Variants in DYNC2H1 observed in about 807,000 individuals in gnomAD.
DYNC2H1 encodes the protein cytoplasmic dynein 2 heavy chain 1.
DYNC2H1 carries 410 observed loss-of-function variants against 570.0 expected under a neutral mutation model. That is an observed-to-expected ratio of 0.72 (90% CI 0.66 to 0.78). The LOEUF is 0.78. DYNC2H1 is among the 30% of genes least tolerant of loss of function. The pLI is 0.00. For synonymous variants in DYNC2H1, 1,688 were observed against 1,677.6 expected (o/e 1.01, Z -0.15); for missense variants, 4,865 against 5,046.4 (o/e 0.96, Z 1.09).
At chr11:103,184,479 G>A (rs1288138830) in intron 40 of DYNC2H1, among the ~76,000 whole-genome samples, 1 of 151,812 alleles carries the variant, frequency 6.6e-6, no homozygotes, top group East Asian at 1.9e-4. Flanking sequence ...AGCTCCATGT[G>A]GTTTGTCATT....
Position 103,122,936 on chromosome 11 carries a change from G to A in DYNC2H1, c.1597G>A (p.Glu533Lys). 1 of 1,609,536 alleles carries A rather than the reference G, an allele frequency of 6.2e-7. No individual in the cohort carries two copies. Among genetic ancestry groups the A allele is most frequent in the East Asian group, 2.2e-5 (1 of 44,782 alleles). The change falls in exon 11 of 89, where the codon GAA (glutamate) becomes AAA (lysine). Residue 533 changes from glutamate (E) to lysine (K), a missense_variant. By Grantham distance (56) the Glu-to-Lys change is moderately conservative. This residue lies in a region of DYNC2H1 where 1,936 missense variants were observed against 1,962.1 expected (regional missense o/e 0.99). Coordinates refer to ENST00000375735, the MANE Select transcript of DYNC2H1 (RefSeq NM_001377.3). ...LLDQLKLYEQ[E>K]QFDDWSRDIQ... ...AGACCAGCTTAAACTATATGAACAG[G>A]AACAATTTGATGATTGGTCCAGGGA...
At chr11:103,207,600 G>C (rs1181154376) in intron 52 of DYNC2H1, among the ~76,000 whole-genome samples, 2 of 152,082 alleles carry the variant, frequency 1.3e-5, no homozygotes, top group African/African-American at 2.4e-5. Flanking sequence ...GGCTTTGGAG[G>C]CTTAAAGAGA....
chr11:103,113,532 T>C lies in DYNC2H1; in HGVS notation c.196-5T>C, dbSNP rs972501351. 4.6e-6 allele frequency: 7 copies of C among 1,527,092 alleles called. No individual in the cohort carries two copies. Among genetic ancestry groups the C allele is most frequent in the African/African-American group, 4.3e-5 (3 of 70,354 alleles). 94.6% of individuals were successfully genotyped at this position (1,527,092 alleles called of 1,614,324 possible). A position where few individuals can be genotyped will look rare whatever the true frequency, so the allele number is the denominator to read the frequency against. On this transcript the variant is annotated splice_polypyrimidine_tract_variant and splice_region_variant and intron_variant, in intron 1 of 88. Coordinates refer to ENST00000375735, the MANE Select transcript of DYNC2H1 (RefSeq NM_001377.3). The stretch of plus-strand genomic sequence containing the variant: ...GATAACATTAAAAATCATTTATCAC[T>C]TTAGATTGAGTTTGGTGACACAAAA...
In DYNC2H1 at chr11:103,211,834, G is replaced by A. The variant is rs368447956; in HGVS notation, c.8585G>A (p.Cys2862Tyr). ...LKSFLLIHES[C>Y]KAYGATPSRY... Reference sequence around the variant, plus strand: ...TCATTTTTATTAATCCATGAATCTTGTAAAGCATATGGTGCTACACCAAGC... The same window carrying A: ...TCATTTTTATTAATCCATGAATCTTATAAAGCATATGGTGCTACACCAAGC... The change falls in exon 54 of 89, where the codon TGT becomes TAT. Residue 2862 changes from cysteine (C) to tyrosine (Y), a missense_variant. Physicochemically the swap from Cys to Tyr is radical, Grantham distance 194. Coordinates refer to ENST00000375735, the MANE Select transcript of DYNC2H1 (RefSeq NM_001377.3). 7.4e-5 allele frequency: 106 copies of A among 1,428,642 alleles called. No homozygotes were observed. Among genetic ancestry groups the A allele is most frequent in the Non-Finnish European group, 9.2e-5 (100 of 1,087,210 alleles). The allele number at this position is 1,428,642 out of a possible 1,614,324, so 88.5% of individuals were successfully genotyped here. A position where few individuals can be genotyped will look rare whatever the true frequency, so the allele number is the denominator to read the frequency against.
Position 103,147,831 on chromosome 11 carries a change from A to G in DYNC2H1, c.2762A>G (p.Asp921Gly), listed in dbSNP as rs767925954. 3 of 1,612,016 alleles carry G rather than the reference A, an allele frequency of 1.9e-6. No individual in the cohort carries two copies. Among genetic ancestry groups the G allele is most frequent in the Non-Finnish European group, 2.5e-6 (3 of 1,179,272 alleles). The stretch of plus-strand genomic sequence containing the variant: ...AACCCTGTGAAGACTGTGATTGATG[A>G]TCTCATCCAGAAGTTATTTGATCTG... ...NCNPVKTVID[D>G]LIQKLFDLLV... The change falls in exon 19 of 89, where the codon GAT becomes GGT. Residue 921 changes from aspartate (D) to glycine (G), a missense_variant. Asp to Gly is a moderately conservative substitution (Grantham distance 94). Transcript: ENST00000375735.
intron 40 of DYNC2H1, among the ~76,000 whole-genome samples, chr11:103,183,299 A>G (rs1861930339): frequency 6.6e-6 from 1 of 151,888 alleles, no homozygotes; most frequent in Non-Finnish European, 1.5e-5. Flanking sequence ...CTTTGAGGTA[A>G]TCTGCTCATA....
Position 103,334,262 on chromosome 11 carries a change from C to T in DYNC2H1, c.12039+10272C>T, listed in dbSNP as rs549689879. On this transcript the variant is annotated intron_variant, in intron 82 of 88. Transcript: ENST00000375735. This position sits in a 1 kb window ranked among gnomAD's most constrained non-coding sequence, Gnocchi z 4.3. ...GTCTCTTCACCAGGTAGCTGTGTGA[C>T]TAGTAAAACATTGAGGATTCTACTG... Among the ~76,000 whole-genome samples the T allele has an allele frequency of 3.1e-4, 47 of 152,220 alleles. No homozygotes were observed. The highest frequency in any genetic ancestry group is 1.0e-3 in the African/African-American group (43 of 41,530).
At chr11:103,259,853 A>T (rs1865198883) in intron 69 of DYNC2H1, 35 bp from the exon 70 acceptor site, 1 of 1,380,106 alleles carries the variant, frequency 7.2e-7, no homozygotes, top group Non-Finnish European at 9.8e-7. Flanking sequence ...AAATGTTTAT[A>T]AATTTCCTAA....
At chr11:103,391,350 G>A (rs1203360548) in intron 83 of DYNC2H1, among the ~76,000 whole-genome samples, 1 of 152,122 alleles carries the variant, frequency 6.6e-6, no homozygotes, top group Non-Finnish European at 1.5e-5. Context: ...AGCTCCATGA[G>A]GTCATTTAAG....
Position 103,316,110 on chromosome 11 carries a change from C to T in DYNC2H1, c.11650-435C>T, listed in dbSNP as rs114027142. Among the ~76,000 whole-genome samples, 785 of 151,788 alleles carry T rather than the reference C, an allele frequency of 5.2e-3. 7 individuals carry two copies. The highest frequency in any genetic ancestry group is 0.018 in the African/African-American group (749 of 41,446). On this transcript the variant is annotated intron_variant, in intron 79 of 88. Transcript: ENST00000375735. ...TATATAATTTTATTTAGTTCTGATA[C>T]GCATGCTTTGTGGGTTCAATATGAA... is the stretch of plus-strand genomic sequence containing the variant.
Position 103,307,755 on chromosome 11 carries a change from GT to G in DYNC2H1, c.11418del (p.Leu3807PhefsTer20). The G allele has an allele frequency of 6.2e-7, 1 of 1,604,418 alleles. No individual in the cohort carries two copies. Among genetic ancestry groups the G allele is most frequent in the Non-Finnish European group, 8.5e-7 (1 of 1,174,880 alleles). ...LNTLQPKDTF[R>X]LWLTAEVHPN... is the part of the protein sequence containing the mutation. ...ACTCTTCAACCTAAAGATACCTTTC[GT>G]CTTTGGCTCACTGCAGAAGTTCATC... On this transcript the variant is annotated frameshift_variant, in exon 78 of 89. Coordinates refer to ENST00000375735, the MANE Select transcript of DYNC2H1 (RefSeq NM_001377.3). LOFTEE classifies it high-confidence loss of function.
At chr11:103,173,426 T>A in intron 35 of DYNC2H1, 121 bp downstream of exon 35, 1 of 680,148 alleles carries the variant, frequency 1.5e-6, no homozygotes, top group Non-Finnish European at 2.2e-6. Flanking sequence ...TCTGATGATT[T>A]TATTGTACTT....
At chr11:103,155,850 A>C (rs1326768425) in intron 25 of DYNC2H1, among the ~76,000 whole-genome samples, 1 of 152,128 alleles carries the variant, frequency 6.6e-6, no homozygotes, top group Non-Finnish European at 1.5e-5. Flanking sequence ...CTTGATATCA[A>C]ATTGTTTTAT....
At chr11:103,236,262 T>C (rs1412813578) in intron 62 of DYNC2H1, among the ~76,000 whole-genome samples, 168 bp from the exon 63 acceptor site, 3 of 151,990 alleles carry the variant, frequency 2.0e-5, no homozygotes, top group Non-Finnish European at 4.4e-5. Context: ...CACTTTTTGT[T>C]TTTGTTTTAG....
At chr11:103,212,628 CT>C (rs1188079289) in intron 54 of DYNC2H1, among the ~76,000 whole-genome samples, 2 of 152,006 alleles carry the variant, frequency 1.3e-5, no homozygotes, top group African/African-American at 2.4e-5. Context: ...AACTATAAAG[CT>C]TTAACTTAAA....
chr11:103,298,052 T>G (rs1243029130), intron 75 of DYNC2H1, among the ~76,000 whole-genome samples: 1 of 152,094 alleles, frequency 6.6e-6, no homozygotes, highest in Non-Finnish European at 1.5e-5. Flanking sequence ...GAAATATAAA[T>G]TAGATCATAT....
intron 83 of DYNC2H1, among the ~76,000 whole-genome samples, chr11:103,388,942 A>C (rs1439181063): frequency 6.6e-6 from 1 of 152,208 alleles, no homozygotes; most frequent in African/African-American, 2.4e-5. Context: ...GATGTTCATC[A>C]GGGATATTGT....
At chr11:103,477,544 T>C (rs1393100827) in intron 88 of DYNC2H1, among the ~76,000 whole-genome samples, 1 of 152,112 alleles carries the variant, frequency 6.6e-6, no homozygotes, top group Non-Finnish European at 1.5e-5. Context: ...ATTAAAATTA[T>C]CAATTGGCCG....
At chr11:103,404,669 C>G (rs946269076) in intron 84 of DYNC2H1, 6 of 151,124 alleles carry the variant, frequency 4.0e-5, no homozygotes, top group African/African-American at 1.5e-4. Context: ...AATCAGTGGA[C>G]AAAGCACCCT....
Sources: gnomAD v4.1 joint callset for allele counts (sites outside exome capture counted in the v4.1 genomes callset) on GRCh38, gnomAD v4.1.1 for gene constraint, gnomAD v4.1.1 regional missense constraint, Gnocchi (gnomAD v3.1) non-coding constraint, MANE v1.5 for transcripts, NCBI Gene and HGNC (gene_info 2026-07-23, HGNC 2026-07-21) for gene names.